Variants in RP1L1 observed in about 807,000 individuals in gnomAD.
RP1L1 encodes the protein RP1 like 1.
A neutral mutation model predicts 15.7 loss-of-function variants in RP1L1; 27 were observed. The ratio of observed to expected loss-of-function variants is 1.72; its 90% CI spans 1.27 to 2.38. The LOEUF (loss-of-function observed/expected upper bound fraction) is 2.38. Ranked by LOEUF, RP1L1 falls within the 30% of genes most tolerant of loss-of-function variation. The pLI, the probability that RP1L1 is intolerant of heterozygous loss-of-function variation, is 0.00. For missense variants in RP1L1, 4,798 were observed against 3,075.9 expected, an observed-to-expected ratio of 1.56 and a Z score of -13.24; for synonymous variants, 1,813 against 1,276.7, an observed-to-expected ratio of 1.42 and a Z score of -8.96.
At chr8:10,614,801 G>A (rs1333629916) in intron 3 of RP1L1, among the ~76,000 whole-genome samples, 2 of 152,020 alleles carry the variant, frequency 1.3e-5, no homozygotes, top group Admixed American at 1.3e-4. Context: ...GGAAGGGATA[G>A]CATTAGGAGA....
At position 10,612,876 on chromosome 8, in the gene RP1L1, A is replaced by C. The variant is rs763485644; in HGVS notation, c.1222T>G (p.Trp408Gly). The change falls in exon 4 of 4, where the codon TGG (tryptophan) becomes GGG (glycine). Residue 408 changes from tryptophan to glycine, a missense_variant. Coordinates refer to ENST00000382483, the MANE Select transcript of RP1L1 (RefSeq NM_178857.6). The part of the protein sequence containing the change: ...GGQPGPKYEI[W>G]TNPLHASQGE... The stretch of plus-strand genomic sequence containing the variant: ...TGGGAGGCATGCAGGGGATTCGTCC[A>C]GATTTCATACTTGGGCCCTGGCTGC... 1 of 1,612,834 alleles carries C rather than the reference A, an allele frequency of 6.2e-7. No homozygotes were observed. The highest frequency in any genetic ancestry group is 8.5e-7 in the Non-Finnish European group (1 of 1,179,890).
At chr8:10,615,881 T>C (rs1797956802) in intron 3 of RP1L1, among the ~76,000 whole-genome samples, 1 of 152,204 alleles carries the variant, frequency 6.6e-6, no homozygotes, top group African/African-American at 2.4e-5. Flanking sequence ...AAACTTTAAA[T>C]TCAAGATCTC....
At chr8:10,644,560 T>C (rs922895207) in intron 1 of RP1L1, among the ~76,000 whole-genome samples, 1 of 152,222 alleles carries the variant, frequency 6.6e-6, no homozygotes, top group African/African-American at 2.4e-5. Context: ...CAGGAACCAG[T>C]CCTTCCCCTC....
rs1309726843 is a variant in RP1L1, at chr8:10,609,426, C to A, written c.4672G>T (p.Ala1558Ser). 1 of 1,612,172 alleles carries A rather than the reference C, an allele frequency of 6.2e-7. No homozygotes were observed. Among genetic ancestry groups the A allele is most frequent in the Admixed American group, 1.7e-5 (1 of 59,980 alleles). ...QDNDLLDQMA[A>S]ELQQDVAQRL... ...TGGGCCACGTCCTGCTGCAGCTCGG[C>A]CGCCATCTGGTCCAGCAGATCATTG... is the stretch of plus-strand genomic sequence containing the variant. The change falls in exon 4 of 4, where the codon GCC becomes TCC. Residue 1558 changes from alanine (A) to serine (S), a missense_variant. Coordinates refer to ENST00000382483, the MANE Select transcript of RP1L1 (RefSeq NM_178857.6).
Position 10,622,762 on chromosome 8 carries a change from C to T in RP1L1, c.440G>A (p.Ser147Asn), listed in dbSNP as rs984523931. 6.2e-7 allele frequency: 1 copy of T among 1,613,942 alleles called. No homozygotes were observed. Among genetic ancestry groups the T allele is most frequent in the Admixed American group, 1.7e-5 (1 of 59,986 alleles). ...CAGTATCCTCCGGGGGGTTTTAAGACTCTTCCGGGAGGAGGAGGTGCCTGG... is the reference window on the plus strand; with the variant it reads ...CAGTATCCTCCGGGGGGTTTTAAGATTCTTCCGGGAGGAGGAGGTGCCTGG... Reference protein sequence around the residue: ...EAPGTSSSRKSLKTPRRILLI... With the variant: ...EAPGTSSSRKNLKTPRRILLI... The change falls in exon 2 of 4, where the codon AGT (serine) becomes AAT (asparagine). Residue 147 changes from serine to asparagine, a missense_variant. Transcript: ENST00000382483.
chr8:10,653,696 C>T lies in RP1L1; in HGVS notation c.-20+1202G>A, dbSNP rs575203275. ...ACATTAAACACAGAGGTTCAGAAAACGGCAACCAGCTCTCCTCGTCCCCTC... is the reference window on the plus strand; with the variant it reads ...ACATTAAACACAGAGGTTCAGAAAATGGCAACCAGCTCTCCTCGTCCCCTC... On this transcript the variant is annotated intron_variant, in intron 1 of 3. Coordinates refer to ENST00000382483, the MANE Select transcript of RP1L1 (RefSeq NM_178857.6). 8.7e-4 allele frequency among the ~76,000 whole-genome samples: 132 copies of T among 152,228 alleles called. 1 individual carries two copies. The highest frequency in any genetic ancestry group is 1.5e-3 in the Non-Finnish European group (103 of 68,018).
Position 10,631,429 on chromosome 8 carries a change from G to A in RP1L1, c.-19-8209C>T, listed in dbSNP as rs892346805. Among the ~76,000 whole-genome samples the A allele has an allele frequency of 3.3e-4, 46 of 139,448 alleles. No individual in the cohort carries two copies. The East Asian group carries it at 3.7e-3, about 11-fold the overall frequency. 91.5% of individuals were successfully genotyped at this position (139,448 alleles called of 152,430 possible). ...CACGCACACACGCACACACACATGCGCGCACACACACGCACACACACACTA... is the reference window on the plus strand; with the variant it reads ...CACGCACACACGCACACACACATGCACGCACACACACGCACACACACACTA... On this transcript the variant is annotated intron_variant, in intron 1 of 3. Coordinates refer to ENST00000382483, the MANE Select transcript of RP1L1 (RefSeq NM_178857.6).
chr8:10,612,324 C>T lies in RP1L1; in HGVS notation c.1774G>A (p.Glu592Lys), dbSNP rs956134561. The change falls in exon 4 of 4, where the codon GAG becomes AAG. Residue 592 changes from glutamate (E) to lysine (K), a missense_variant. Transcript: ENST00000382483. ...TGCTCGGTGCCCTGTCCTTGCGTCT[C>T]TGCCTGCAGGTCGTCACTCCTTAAA... ...SSLRSDDLQA[E>K]TQGQGTEQAT... 5.0e-6 allele frequency: 8 copies of T among 1,613,266 alleles called. No homozygotes were observed. Among genetic ancestry groups the T allele is most frequent in the Non-Finnish European group, 6.8e-6 (8 of 1,180,034 alleles).
chr8:10,617,281 C>A (rs908700793), intron 2 of RP1L1, among the ~76,000 whole-genome samples: 5 of 150,882 alleles, frequency 3.3e-5, no homozygotes, highest in African/African-American at 9.8e-5. Context: ...AGGGTTTGCA[C>A]TATTGATGGG....
chr8:10,624,229 T>G (rs1297488725), intron 1 of RP1L1, among the ~76,000 whole-genome samples: 1 of 152,264 alleles, frequency 6.6e-6, no homozygotes, highest in Admixed American at 6.5e-5. Context: ...TTTCTGAGCA[T>G]CTATTGCATC....
intron 1 of RP1L1, among the ~76,000 whole-genome samples, chr8:10,651,997 C>T (rs1385580564): frequency 6.6e-6 from 1 of 152,144 alleles, no homozygotes; most frequent in African/African-American, 2.4e-5. Flanking sequence ...AGATATTTCA[C>T]ATTGTGCTGC....
intron 1 of RP1L1, among the ~76,000 whole-genome samples, chr8:10,640,651 T>A (rs1474990916): frequency 6.6e-6 from 1 of 151,288 alleles, no homozygotes; most frequent in Non-Finnish European, 1.5e-5. Context: ...AGACTCCATC[T>A]CAAAATAATA....
Position 10,609,575 on chromosome 8 carries a change from C to T in RP1L1, c.4523G>A (p.Cys1508Tyr), listed in dbSNP as rs567269183. The T allele has an allele frequency of 1.2e-6, 2 of 1,603,282 alleles. No homozygotes were observed. Among genetic ancestry groups the T allele is most frequent in the Admixed American group, 3.3e-5 (2 of 59,902 alleles). Residue 1508 changes from cysteine (C) to tyrosine (Y), a missense_variant, in exon 4 of 4, where the codon TGC becomes TAC. Cys to Tyr is a radical substitution (Grantham distance 194, BLOSUM62 -2). Transcript: ENST00000382483. ...GAAERSSSVA[C>Y]SAALDCDPIW... is the part of the protein sequence containing the mutation. ...GGGGTCGCAGTCCAGAGCCGCGCTG[C>T]AGGCCACCGAAGAGCTCCTCTCTGC... is the stretch of plus-strand genomic sequence containing the variant.
Position 10,610,789 on chromosome 8 carries a change from C to T in RP1L1, c.3309G>A (p.Val1103=), listed in dbSNP as rs1042493956. ...KQGRPSSVPE[V]SRPMARRLSC... ...TGAGCCTCCTGGCCATGGGCCTAGA[C>T]ACTTCGGGCACGCTGCTGGGCCGGC... The change falls in exon 4 of 4, where the codon GTG becomes GTA. Residue 1103 remains valine, a synonymous_variant. Coordinates refer to ENST00000382483, the MANE Select transcript of RP1L1 (RefSeq NM_178857.6). The T allele has an allele frequency of 1.2e-6, 2 of 1,611,686 alleles. No homozygotes were observed. Among genetic ancestry groups the T allele is most frequent in the Non-Finnish European group, 1.7e-6 (2 of 1,178,812 alleles).
intron 1 of RP1L1, among the ~76,000 whole-genome samples, chr8:10,642,331 C>T (rs2117258647): frequency 6.6e-6 from 1 of 152,262 alleles, no homozygotes; most frequent in South Asian, 2.1e-4. Context: ...TCCCAAATTC[C>T]TTTCCAGATG....
At chr8:10,643,426 T>C (rs1241820498) in intron 1 of RP1L1, among the ~76,000 whole-genome samples, 2 of 152,172 alleles carry the variant, frequency 1.3e-5, no homozygotes, top group African/African-American at 4.8e-5. Context: ...TCGGTCTCAG[T>C]GTTAGTTCTT....
In RP1L1 at chr8:10,636,598, G is replaced by T. The variant is rs532309141; in HGVS notation, c.-19-13378C>A. On this transcript the variant is annotated intron_variant, in intron 1 of 3. Coordinates refer to ENST00000382483, the MANE Select transcript of RP1L1 (RefSeq NM_178857.6). ...TCACAACGGCCTCCTCGGATGAAAG[G>T]CGTGGGGGCAACAGGAAGAACTGTT... 2.8e-3 allele frequency among the ~76,000 whole-genome samples: 432 copies of T among 152,194 alleles called. 1 individual carries two copies. The highest frequency in any genetic ancestry group is 9.8e-3 in the African/African-American group (406 of 41,510).
intron 2 of RP1L1, among the ~76,000 whole-genome samples, chr8:10,619,018 G>A (rs62492260): frequency 1.2e-4 from 18 of 151,946 alleles, no homozygotes; most frequent in Admixed American, 5.2e-4. Context: ...CTACAGGCAC[G>A]CACCACCATG....
At chr8:10,616,406 C>T (rs759447078) in intron 3 of RP1L1, 40 bp downstream of exon 3, 31 of 1,613,374 alleles carry the variant, frequency 1.9e-5, no homozygotes, top group Non-Finnish European at 1.8e-5. Context: ...AACCACCATG[C>T]AGTGCAAATC....
Sources: allele counts gnomAD v4.1 joint callset (sites outside exome capture counted in the v4.1 genomes callset), GRCh38; gene constraint gnomAD v4.1.1; transcripts MANE v1.5; gene names NCBI Gene and HGNC (gene_info 2026-07-23, HGNC 2026-07-21).